PCDHA9: variants seen among roughly 807,000 people sequenced by gnomAD.
PCDHA9 encodes the protein protocadherin alpha 9.
In PCDHA9, 62 loss-of-function variants were observed where a neutral mutation model predicts 62.0. The ratio of observed to expected loss-of-function variants is 1.00; its 90% CI spans 0.81 to 1.23. The LOEUF (loss-of-function observed/expected upper bound fraction) is 1.23, where lower values mean the gene tolerates loss of function less well. Among genes scored for constraint, PCDHA9 ranks in the 50% most tolerant of loss-of-function variants. The pLI is 0.00. For missense variants in PCDHA9, 1,205 were observed against 1,249.8 expected (o/e 0.96, Z 0.54); for synonymous variants, 557 against 567.6 (o/e 0.98, Z 0.27).
Position 140,856,403 on chromosome 5 carries a change from G to A in PCDHA9, c.2394+5514G>A, listed in dbSNP as rs782447462. On this transcript the variant is annotated intron_variant, in intron 1 of 3. Coordinates refer to ENST00000532602, the MANE Select transcript of PCDHA9 (RefSeq NM_031857.2). ...CAGGCCGCTGCAGGTTTTCCATGTG[G>A]ACGTGGAAGTGAAGGACATTAACGA... 5.8e-5 allele frequency: 92 copies of A among 1,598,448 alleles called. 11 individuals are homozygous for A. The highest frequency in any genetic ancestry group is 7.7e-5 in the Non-Finnish European group (90 of 1,168,002).
intron 1 of PCDHA9, among the ~76,000 whole-genome samples, chr5:140,939,679 T>A (rs2092435989): frequency 6.6e-6 from 1 of 152,196 alleles, no homozygotes; most frequent in South Asian, 2.1e-4. Context: ...TGTATGTATG[T>A]GTGTGTTGCT....
intron 1 of PCDHA9, among the ~76,000 whole-genome samples, chr5:140,978,085 C>T (rs1056593415): frequency 2.2e-4 from 33 of 152,186 alleles, no homozygotes; most frequent in African/African-American, 8.0e-4. Flanking sequence ...AGCTTCTAAC[C>T]AGCACATAAC....
chr5:140,870,107 T>C, intron 1 of PCDHA9: 1 of 1,613,786 alleles, frequency 6.2e-7, no homozygotes, highest in Admixed American at 1.7e-5. Flanking sequence ...CACTGTACAG[T>C]CTGGGTGGAA....
intron 1 of PCDHA9, among the ~76,000 whole-genome samples, chr5:140,886,602 C>T (rs1167539535): frequency 6.6e-6 from 1 of 151,756 alleles, no homozygotes; most frequent in Non-Finnish European, 1.5e-5. Flanking sequence ...CCAAGGTGGG[C>T]GGATCAGGAG....
At chr5:140,990,670 A>T (rs1172208113) in intron 3 of PCDHA9, among the ~76,000 whole-genome samples, 1 of 152,192 alleles carries the variant, frequency 6.6e-6, no homozygotes, top group Non-Finnish European at 1.5e-5. Flanking sequence ...CATTAGATGC[A>T]CACCAAGCTG....
intron 3 of PCDHA9, among the ~76,000 whole-genome samples, chr5:140,996,730 A>G (rs1271920339): frequency 2.6e-5 from 4 of 152,228 alleles, no homozygotes; most frequent in African/African-American, 9.6e-5. Context: ...AGAAGAAACA[A>G]AAGTCATAAC....
chr5:140,967,278 G>T, intron 1 of PCDHA9: 1 of 1,613,408 alleles, frequency 6.2e-7, no homozygotes, highest in Non-Finnish European at 8.5e-7. Context: ...CACATAGAGA[G>T]TGCGCAGGAC....
intron 1 of PCDHA9, chr5:140,856,374 T>A (rs568319142): frequency 1.3e-6 from 2 of 1,598,376 alleles, no homozygotes; most frequent in Middle Eastern, 3.3e-4. Context: ...GAGGTGATCG[T>A]GGACAGGCCG....
chr5:140,961,770 A>C, intron 1 of PCDHA9, among the ~76,000 whole-genome samples: 1 of 152,206 alleles, frequency 6.6e-6, no homozygotes, highest in East Asian at 1.9e-4. Flanking sequence ...ATTTATATCA[A>C]GCTTAATGGC....
chr5:140,993,462 TCACACA>T (rs3836747), intron 3 of PCDHA9, among the ~76,000 whole-genome samples: 28,176 of 140,902 alleles, frequency 0.2, 2,920 homozygotes, highest in East Asian at 0.31. Flanking sequence ...TCTTTCTTTC[TCACACA>T]CACACACACA....
chr5:140,897,739 T>A (rs2066296532), intron 1 of PCDHA9, among the ~76,000 whole-genome samples: 1 of 152,176 alleles, frequency 6.6e-6, no homozygotes, highest in Admixed American at 6.5e-5. Flanking sequence ...GTATTTCTAG[T>A]TCTAGATCCC....
At chr5:140,870,830 T>C in intron 1 of PCDHA9, 1 of 1,613,762 alleles carries the variant, frequency 6.2e-7, no homozygotes. Context: ...GGAGGCGCAG[T>C]TAACAAGCTA....
At chr5:140,928,139 C>T in intron 1 of PCDHA9, 2 of 1,614,174 alleles carry the variant, frequency 1.2e-6, no homozygotes, top group Non-Finnish European at 8.5e-7. Flanking sequence ...GTCCTGATCA[C>T]GGCCTCAGAT....
chr5:140,972,947 C>T (rs1287629621), intron 1 of PCDHA9, among the ~76,000 whole-genome samples: 1 of 152,096 alleles, frequency 6.6e-6, no homozygotes, highest in African/African-American at 2.4e-5. Context: ...CAGATGTGAG[C>T]CACCATGCCC....
intron 1 of PCDHA9, among the ~76,000 whole-genome samples, chr5:140,954,127 T>A (rs530320994): frequency 2.6e-5 from 4 of 152,372 alleles, no homozygotes; most frequent in Non-Finnish European, 5.9e-5. Context: ...TTCCTTTTTA[T>A]GGATGCATAG....
At chr5:141,000,900 G>T (rs1020896392) in intron 3 of PCDHA9, among the ~76,000 whole-genome samples, 4 of 151,614 alleles carry the variant, frequency 2.6e-5, no homozygotes, top group African/African-American at 9.7e-5. Context: ...AGATATAGAC[G>T]CTGTCTCTAA....
chr5:140,905,809 A>C (rs1349964349), intron 1 of PCDHA9, among the ~76,000 whole-genome samples: 1 of 152,184 alleles, frequency 6.6e-6, no homozygotes, highest in East Asian at 1.9e-4. Context: ...GGACAGAATT[A>C]ATAGGCTAGA....
At chr5:140,982,202 G>A (rs2096970508) in intron 2 of PCDHA9, 2 of 405,606 alleles carry the variant, frequency 4.9e-6, no homozygotes, top group Non-Finnish European at 8.1e-6. Context: ...GTTAGATTTA[G>A]TGAGCGCCAC....
chr5:140,864,153 T>C (rs1209982386), intron 1 of PCDHA9: 8 of 152,216 alleles, frequency 5.3e-5, no homozygotes, highest in African/African-American at 1.9e-4. Context: ...AATGAGAAAG[T>C]TAAATCTTAC....
Sources: gnomAD v4.1 joint callset for allele counts (sites outside exome capture counted in the v4.1 genomes callset) on GRCh38, gnomAD v4.1.1 for gene constraint, MANE v1.5 for transcripts, NCBI Gene and HGNC (gene_info 2026-07-23, HGNC 2026-07-21) for gene names.